ATP13A4: variants seen among roughly 807,000 people sequenced by gnomAD.
ATP13A4 encodes ATPase 13A4, also known as probable cation-transporting ATPase 13A4.
Under a neutral mutation model 142.5 loss-of-function variants are expected in ATP13A4, and 114 were observed. The observed-to-expected ratio is 0.80, with a 90% confidence interval of 0.69 to 0.93. The LOEUF (loss-of-function observed/expected upper bound fraction) is 0.93, where lower values mean the gene tolerates loss of function less well. Among genes scored for constraint, ATP13A4 ranks in the 40% least tolerant of loss-of-function variants. ATP13A4 has a pLI of 0.00. For missense variants in ATP13A4, 1,392 were observed against 1,454.0 expected (o/e 0.96, Z 0.69); for synonymous variants, 488 against 514.8 (o/e 0.95, Z 0.70).
upstream of ATP13A4, among the ~76,000 whole-genome samples, chr3:193,557,468 C>A (rs1723927446): frequency 6.6e-6 from 1 of 152,198 alleles, no homozygotes; most frequent in East Asian, 1.9e-4. Context: ...CAGAACACTT[C>A]CACATATGAG....
At position 193,586,062 on chromosome 3, in the gene ATP13A4, T is replaced by C. The variant is rs143376603; in HGVS notation, n.92-4156A>G. On this transcript the variant is annotated intron_variant and non_coding_transcript_variant, in intron 1 of 3. Transcript: ENST00000489140. ...ATTGGCCAAATATGTATATAAAATA[T>C]ATATATATCTGTATATGTATACACA... Among the ~76,000 whole-genome samples the C allele has an allele frequency of 4.2e-3, 602 of 142,326 alleles. 4 individuals are homozygous for C. Among genetic ancestry groups the C allele is most frequent in the African/African-American group, 0.015 (570 of 37,622 alleles). The allele number at this position is 142,326 out of a possible 152,430, so 93.4% of individuals were successfully genotyped here.
intron 2 of ATP13A4, among the ~76,000 whole-genome samples, chr3:193,512,750 G>C (rs181288111): frequency 3.6e-4 from 55 of 152,158 alleles, no homozygotes; most frequent in Non-Finnish European, 2.1e-4. Context: ...AAAAGCCCTT[G>C]ACTAGGAGCC....
intron 1 of ATP13A4, among the ~76,000 whole-genome samples, chr3:193,547,146 A>G (rs1438569675): frequency 6.6e-6 from 1 of 152,180 alleles, no homozygotes; most frequent in Non-Finnish European, 1.5e-5. Context: ...TATCATTTAA[A>G]TATCTATTAA....
intron 2 of ATP13A4, among the ~76,000 whole-genome samples, chr3:193,503,533 A>G (rs1277173950): frequency 6.6e-6 from 1 of 152,202 alleles, no homozygotes; most frequent in African/African-American, 2.4e-5. Flanking sequence ...CAAACGTGGG[A>G]AAAATTTGAT....
chr3:193,455,988 A>AG (rs1263342928), intron 16 of ATP13A4, among the ~76,000 whole-genome samples: 6 of 152,244 alleles, frequency 3.9e-5, no homozygotes, highest in Middle Eastern at 6.8e-3. Flanking sequence ...ACATGGACAT[A>AG]GGGGGGAACA....
intron 1 of ATP13A4, among the ~76,000 whole-genome samples, chr3:193,547,419 G>A (rs555624219): frequency 6.6e-6 from 1 of 152,254 alleles, no homozygotes; most frequent in South Asian, 2.1e-4. Context: ...TAATTCAGTA[G>A]GTCTAGAATG....
At chr3:193,495,018 C>T (rs1328148155) in intron 3 of ATP13A4, among the ~76,000 whole-genome samples, 1 of 151,946 alleles carries the variant, frequency 6.6e-6, no homozygotes, top group East Asian at 1.9e-4. Context: ...TGGAAAAATT[C>T]CTGGACACAT....
At chr3:193,516,808 C>A (rs1421376115) in intron 1 of ATP13A4, among the ~76,000 whole-genome samples, 1 of 152,126 alleles carries the variant, frequency 6.6e-6, no homozygotes, top group African/African-American at 2.4e-5. Context: ...GCAGTGAGGG[C>A]TCTCTACAGT....
upstream of ATP13A4, among the ~76,000 whole-genome samples, chr3:193,555,494 G>A (rs573550076): frequency 7.5e-4 from 114 of 152,256 alleles, no homozygotes; most frequent in African/African-American, 2.7e-3. Context: ...AAGAACAAAG[G>A]TATCATCAAA....
At chr3:193,430,292 C>T (rs1324577757) in intron 25 of ATP13A4, among the ~76,000 whole-genome samples, 1 of 152,060 alleles carries the variant, frequency 6.6e-6, no homozygotes, top group African/African-American at 2.4e-5. Context: ...ACAAAGTTAA[C>T]AAAGCCTGTA....
upstream of ATP13A4, chr3:193,555,006 G>A: frequency 7.7e-7 from 1 of 1,306,158 alleles, no homozygotes; most frequent in Non-Finnish European, 1.0e-6. Context: ...CCCTCTGCTA[G>A]GAGGAATTGC....
chr3:193,435,141 T>G (rs1007432044), intron 24 of ATP13A4, among the ~76,000 whole-genome samples: 3 of 152,226 alleles, frequency 2.0e-5, no homozygotes, highest in African/African-American at 7.2e-5. Context: ...TATAGAATCA[T>G]ATGCTACTAT....
chr3:193,443,300 G>A (rs1189173801), intron 18 of ATP13A4, among the ~76,000 whole-genome samples: 1 of 152,198 alleles, frequency 6.6e-6, no homozygotes, highest in Non-Finnish European at 1.5e-5. Flanking sequence ...GCCTAGAGCT[G>A]TGCGTGTGTG....
In ATP13A4 at chr3:193,592,997, C is replaced by T. The variant is rs188431247; in HGVS notation, n.91+24G>A. The T allele has an allele frequency of 2.0e-3, 513 of 252,348 alleles. 4 individuals are homozygous for T. Among genetic ancestry groups the T allele is most frequent in the Admixed American group, 3.8e-3 (70 of 18,222 alleles). The allele number at this position is 252,348 out of a possible 1,614,324, so 15.6% of individuals were successfully genotyped here. On this transcript the variant is annotated intron_variant and non_coding_transcript_variant, in intron 1 of 3. Coordinates refer to the ATP13A4 transcript ENST00000489140. ...TTCCCGTTCCCGCCCAACTCTCGCT[C>T]CCTCCCCTGGCCAAATCTCTAACCT... is the stretch of plus-strand genomic sequence containing the variant.
chr3:193,438,970 C>G, intron 22 of ATP13A4, 53 bp downstream of exon 22: 1 of 1,535,074 alleles, frequency 6.5e-7, no homozygotes, highest in Non-Finnish European at 9.0e-7. Flanking sequence ...CTCTAAAGGG[C>G]TTAAGTGTAA....
rs1170666948 is a variant in ATP13A4, at chr3:193,399,717, A to G, written c.*2935T>C. On this transcript the variant is annotated 3_prime_UTR_variant, in exon 30 of 30. Transcript: ENST00000342695. The stretch of plus-strand genomic sequence containing the variant: ...CAAAAAATTAGCCGGGCATGGTGGC[A>G]GACCTGTAGTCCCAGCTACTTGGGA... Among the ~76,000 whole-genome samples, 1 of 151,974 alleles carries G rather than the reference A, an allele frequency of 6.6e-6. No individual in the cohort carries two copies. The highest frequency in any genetic ancestry group is 6.6e-5 in the Admixed American group (1 of 15,240).
intron 1 of ATP13A4, among the ~76,000 whole-genome samples, chr3:193,584,594 G>A (rs556064497): frequency 6.7e-6 from 1 of 150,106 alleles, no homozygotes; most frequent in African/African-American, 2.5e-5. Flanking sequence ...CCTTCTGTTG[G>A]GTCCATTTCA....
chr3:193,431,641 A>C (rs1482530577), intron 25 of ATP13A4, among the ~76,000 whole-genome samples: 1 of 150,680 alleles, frequency 6.6e-6, no homozygotes, highest in Non-Finnish European at 1.5e-5. Flanking sequence ...ACTATATATA[A>C]ATATGCTTCC....
At chr3:193,556,888 A>T (rs902398752), upstream of ATP13A4, among the ~76,000 whole-genome samples, 4 of 152,178 alleles carry the variant, frequency 2.6e-5, no homozygotes, top group Admixed American at 6.5e-5. Context: ...GCATATTCCA[A>T]ATTTCATCTC....
Sources: gnomAD v4.1 joint callset for allele counts (sites outside exome capture counted in the v4.1 genomes callset) on GRCh38, gnomAD v4.1.1 for gene constraint, MANE v1.5 for transcripts, NCBI Gene and HGNC (gene_info 2026-07-23, HGNC 2026-07-21) for gene names.